PAPSS1: variants seen among roughly 807,000 people sequenced by gnomAD.
The protein encoded by PAPSS1 is bifunctional 3'-phosphoadenosine 5'-phosphosulfate synthase 1.
In PAPSS1, 50 loss-of-function variants were observed where a neutral mutation model predicts 72.0. The observed-to-expected ratio is 0.69, with a 90% CI of 0.55 to 0.88. The LOEUF (loss-of-function observed/expected upper bound fraction) is 0.88, where lower values mean the gene tolerates loss of function less well. PAPSS1 is among the 40% of genes least tolerant of loss of function. PAPSS1 has a pLI of 0.00. For missense variants in PAPSS1, 657 were observed against 782.2 expected, an observed-to-expected ratio of 0.84 and a Z score of 1.91; for synonymous variants, 261 against 263.6, an observed-to-expected ratio of 0.99 and a Z score of 0.09.
chr4:107,698,691 T>G (rs1033020040), intron 2 of PAPSS1, among the ~76,000 whole-genome samples: 1 of 152,112 alleles, frequency 6.6e-6, no homozygotes, highest in Non-Finnish European at 1.5e-5. Flanking sequence ...TAAGGCTCAG[T>G]GTGGACAAGT....
chr4:107,637,026 T>G (rs1222129903), intron 10 of PAPSS1, among the ~76,000 whole-genome samples: 3 of 152,274 alleles, frequency 2.0e-5, no homozygotes, highest in East Asian at 1.9e-4. Flanking sequence ...TTAAAAAAAT[T>G]TATCTATGAA....
At chr4:107,702,561 C>T (rs1464666545) in intron 1 of PAPSS1, among the ~76,000 whole-genome samples, 4 of 152,180 alleles carry the variant, frequency 2.6e-5, no homozygotes, top group African/African-American at 9.7e-5. Context: ...CTCTCTACTT[C>T]TACAGGTGCA....
chr4:107,660,267 G>A (rs2110323005), intron 5 of PAPSS1, among the ~76,000 whole-genome samples, 195 bp from the exon 6 acceptor site: 1 of 152,146 alleles, frequency 6.6e-6, no homozygotes, highest in South Asian at 2.1e-4. Flanking sequence ...TAAGCCCAAT[G>A]TCCCATTATC....
At chr4:107,712,474 T>C (rs967573437) in intron 1 of PAPSS1, among the ~76,000 whole-genome samples, 2 of 152,142 alleles carry the variant, frequency 1.3e-5, no homozygotes, top group Non-Finnish European at 2.9e-5. Context: ...AAATTAACTA[T>C]TAAAACCACA....
intron 1 of PAPSS1, among the ~76,000 whole-genome samples, chr4:107,704,561 G>GT (rs1316570129): frequency 3.3e-5 from 5 of 152,184 alleles, no homozygotes; most frequent in Non-Finnish European, 7.3e-5. Context: ...ATCATAAAAG[G>GT]TTAATGAACT....
Position 107,720,115 on chromosome 4 carries a change from C to G in PAPSS1, c.60+5G>C. The G allele has an allele frequency of 6.2e-7, 1 of 1,603,608 alleles. No homozygotes were observed. Among genetic ancestry groups the G allele is most frequent in the Non-Finnish European group, 8.5e-7 (1 of 1,175,522 alleles). On this transcript the variant is annotated splice_donor_5th_base_variant and intron_variant, in intron 1 of 11. Coordinates refer to ENST00000265174, the MANE Select transcript of PAPSS1 (RefSeq NM_005443.5). ...CTCGCCGTCTCGCCTTCGTCCCCAG[C>G]TTACCCAGTTCTGCGCGTTATTGCT...
At chr4:107,718,782 T>C (rs1172558572) in intron 1 of PAPSS1, among the ~76,000 whole-genome samples, 1 of 152,232 alleles carries the variant, frequency 6.6e-6, no homozygotes, top group Non-Finnish European at 1.5e-5. Flanking sequence ...CCAACCTTAT[T>C]TCCCTAACCG....
intron 5 of PAPSS1, among the ~76,000 whole-genome samples, chr4:107,666,845 T>C (rs1257052177): frequency 6.6e-6 from 1 of 152,180 alleles, no homozygotes; most frequent in Non-Finnish European, 1.5e-5. Context: ...TTCTTCTCTC[T>C]AATAAAAACT....
Position 107,687,031 on chromosome 4 carries a change from T to C in PAPSS1, c.550+8A>G, listed in dbSNP as rs767838784. ...GCAAAGTGAAACTGGGAAGAAAATA[T>C]TACTGACCTTTAATTTCTCCTGCCC... On this transcript the variant is annotated splice_region_variant and intron_variant, in intron 4 of 11. Coordinates refer to ENST00000265174, the MANE Select transcript of PAPSS1 (RefSeq NM_005443.5). 2 of 1,597,114 alleles carry C rather than the reference T, an allele frequency of 1.3e-6. No individual in the cohort carries two copies. Among genetic ancestry groups the C allele is most frequent in the Non-Finnish European group, 1.7e-6 (2 of 1,174,880 alleles).
chr4:107,672,845 T>A (rs1223402096), intron 5 of PAPSS1, among the ~76,000 whole-genome samples: 1 of 152,156 alleles, frequency 6.6e-6, no homozygotes, highest in Non-Finnish European at 1.5e-5. Context: ...CACAGCCAGG[T>A]ACTCCTCTGA....
intron 9 of PAPSS1, among the ~76,000 whole-genome samples, chr4:107,647,853 G>A (rs1726734663): frequency 6.6e-6 from 1 of 152,064 alleles, no homozygotes; most frequent in Non-Finnish European, 1.5e-5. Flanking sequence ...CCCTACACCT[G>A]GGTTCAATTA....
intron 11 of PAPSS1, among the ~76,000 whole-genome samples, chr4:107,618,930 T>C (rs752599221): frequency 2.0e-5 from 3 of 152,184 alleles, no homozygotes; most frequent in Non-Finnish European, 2.9e-5. Context: ...TGGTCAATAA[T>C]AATTTGACAA....
chr4:107,687,062 T>C lies in PAPSS1; in HGVS notation c.527A>G (p.Lys176Arg), dbSNP rs778235221. The stretch of plus-strand genomic sequence containing the variant: ...ACCTTTAATTTCTCCTGCCCGGGCT[T>C]TTTTGTAGAGTCCTTTGACATCCCT... Reference protein sequence around the residue: ...EQRDVKGLYKKARAGEIKGFT... With the variant: ...EQRDVKGLYKRARAGEIKGFT... The change falls in exon 4 of 12, where the codon AAA becomes AGA. Residue 176 changes from lysine to arginine, a missense_variant. Physicochemically the swap from Lys to Arg is conservative, Grantham distance 26. Around this residue, in one of 7 missense-constraint regions of PAPSS1, gnomAD observed 119 missense variants for 171.1 expected, o/e 0.70. Coordinates refer to ENST00000265174, the MANE Select transcript of PAPSS1 (RefSeq NM_005443.5). 5.0e-5 allele frequency: 80 copies of C among 1,597,058 alleles called. No individual in the cohort carries two copies. Among genetic ancestry groups the C allele is most frequent in the Non-Finnish European group, 6.4e-5 (75 of 1,174,630 alleles).
chr4:107,617,080 T>A (rs1725843516), intron 11 of PAPSS1, among the ~76,000 whole-genome samples: 1 of 152,136 alleles, frequency 6.6e-6, no homozygotes, highest in Admixed American at 6.6e-5. Context: ...CTCTAGAACA[T>A]GAAAGAAGTG....
rs115644569 is a variant in PAPSS1, at chr4:107,616,138, T to C, written c.1737-1751A>G. On this transcript the variant is annotated intron_variant, in intron 11 of 11. Coordinates refer to ENST00000265174, the MANE Select transcript of PAPSS1 (RefSeq NM_005443.5). ...TAAAGAAATATGCCCTATGTAGTCA[T>C]TGTTGGGGTTAAAAAAAAAAGAAGA... 1.6e-3 allele frequency among the ~76,000 whole-genome samples: 246 copies of C among 151,964 alleles called. 2 individuals are homozygous for C. Among genetic ancestry groups the C allele is most frequent in the African/African-American group, 5.5e-3 (229 of 41,462 alleles).
intron 5 of PAPSS1, among the ~76,000 whole-genome samples, chr4:107,679,403 AT>A (rs1727742736): frequency 6.6e-6 from 1 of 152,188 alleles, no homozygotes; most frequent in African/African-American, 2.4e-5. Flanking sequence ...CCTCTGGTGC[AT>A]TAAGAATAAC....
intron 3 of PAPSS1, among the ~76,000 whole-genome samples, chr4:107,689,578 T>C (rs1448116236): frequency 6.6e-6 from 1 of 152,218 alleles, no homozygotes; most frequent in Non-Finnish European, 1.5e-5. Flanking sequence ...GTGTCTGGAA[T>C]AGCAATTAAG....
chr4:107,623,243 G>A (rs1726014630), intron 11 of PAPSS1, among the ~76,000 whole-genome samples: 1 of 152,186 alleles, frequency 6.6e-6, no homozygotes, highest in Non-Finnish European at 1.5e-5. Flanking sequence ...TCTAACATGT[G>A]AAGTCTCTGC....
intron 5 of PAPSS1, among the ~76,000 whole-genome samples, chr4:107,674,770 C>A (rs1727590876): frequency 6.6e-6 from 1 of 151,764 alleles, no homozygotes. Context: ...CAAAATGCAC[C>A]ACATAGTTGG....
Sources: allele counts gnomAD v4.1 joint callset (sites outside exome capture counted in the v4.1 genomes callset), GRCh38; gene constraint gnomAD v4.1.1; regional missense constraint gnomAD v4.1.1; transcripts MANE v1.5; gene names NCBI Gene and HGNC (gene_info 2026-07-23, HGNC 2026-07-21).